KIAA1671: variants seen among roughly 807,000 people sequenced by gnomAD.
KIAA1671 encodes the protein uncharacterized protein KIAA1671.
Under a neutral mutation model 131.2 loss-of-function variants are expected in KIAA1671, and 52 were observed. That is an observed-to-expected ratio of 0.40 (90% CI 0.32 to 0.50). The LOEUF is 0.50. Ranked by LOEUF, KIAA1671 falls within the 20% of genes least tolerant of loss-of-function variation. The probability of loss-of-function intolerance (pLI) is 0.73; values close to 1 mark genes in which losing one functional copy is unlikely to be tolerated. For synonymous variants in KIAA1671, 1,003 were observed against 961.6 expected (o/e 1.04, Z -0.80); for missense variants, 2,360 against 2,364.2 (o/e 1.00, Z 0.04).
chr22:25,002,554 A>T (rs1924531492), intron 1 of KIAA1671, among the ~76,000 whole-genome samples: 1 of 152,112 alleles, frequency 6.6e-6, no homozygotes, highest in African/African-American at 2.4e-5. Context: ...ACAGCCAAAA[A>T]CCAAGCCTTT....
chr22:25,120,876 C>T (rs934136903), intron 6 of KIAA1671, among the ~76,000 whole-genome samples: 12 of 152,314 alleles, frequency 7.9e-5, no homozygotes, highest in Admixed American at 2.0e-4. Context: ...GGTAATTTCC[C>T]GTTCTGGGCT....
At chr22:25,099,660 G>T (rs1314513776) in intron 6 of KIAA1671, among the ~76,000 whole-genome samples, 1 of 147,904 alleles carries the variant, frequency 6.8e-6, no homozygotes, top group African/African-American at 2.5e-5. Flanking sequence ...GTTCACAGGT[G>T]TGCGCCACCA....
In KIAA1671 at chr22:25,189,126, CTT is replaced by C. The variant is rs200226589; in HGVS notation, c.5343-1558_5343-1557del. 2.8e-3 allele frequency among the ~76,000 whole-genome samples: 318 copies of C among 114,850 alleles called. 3 individuals are homozygous for C. In the South Asian group the frequency reaches 0.038, roughly 14 times the overall value. The allele number at this position is 114,850 out of a possible 152,430, so 75.3% of individuals were successfully genotyped here. ...TTCTTCCTGGGAGGCCAGTCTTTTT[CTT>C]TTTTTTTTTTTTTTTTTGTTTTGTT... On this transcript the variant is annotated intron_variant, in intron 11 of 12. Coordinates refer to ENST00000358431, the MANE Select transcript of KIAA1671 (RefSeq NM_001145206.2).
chr22:25,171,015 AT>A, intron 7 of KIAA1671, 77 bp downstream of exon 7: 1 of 1,117,856 alleles, frequency 8.9e-7, no homozygotes, highest in Non-Finnish European at 1.3e-6. Context: ...CCACCTCCTG[AT>A]TTCTATATTG....
At chr22:25,034,988 C>T (rs1407863920) in intron 4 of KIAA1671, among the ~76,000 whole-genome samples, 2 of 150,960 alleles carry the variant, frequency 1.3e-5, no homozygotes, top group East Asian at 3.9e-4. Context: ...CCACCTGCCT[C>T]GGCCTCCCAA....
At position 25,028,885 on chromosome 22, in the gene KIAA1671, G is replaced by A; in HGVS notation, c.886G>A (p.Ala296Thr). 6.4e-7 allele frequency: 1 copy of A among 1,551,500 alleles called. No homozygotes were observed. The highest frequency in any genetic ancestry group is 8.7e-7 in the Non-Finnish European group (1 of 1,146,984). ...CACGGCCCGGTTTGAGAACAAAGAG[G>A]CCTTGCTGAGGAAGGTGGCCGATGA... ...DLTARFENKE[A>T]LLRKVADEGS... is the part of the protein sequence containing the mutation. The change falls in exon 3 of 13, where the codon GCC becomes ACC. Residue 296 changes from alanine to threonine, a missense_variant. Around this residue, in one of 3 missense-constraint regions of KIAA1671, gnomAD observed 1,185 missense variants for 1,126.2 expected, o/e 1.05. Coordinates refer to ENST00000358431, the MANE Select transcript of KIAA1671 (RefSeq NM_001145206.2).
chr22:25,058,722 T>A (rs1345172424), intron 6 of KIAA1671: 1 of 152,214 alleles, frequency 6.6e-6, no homozygotes, highest in Non-Finnish European at 1.5e-5. Context: ...GGGTCATGGA[T>A]TCCGCAGGTC....
chr22:25,093,836 C>CTCTCTCTCTT lies in KIAA1671; in HGVS notation c.4530+44473_4530+44474insCTCTCTCTTT, dbSNP rs1568951598. Among the ~76,000 whole-genome samples, 84 of 64,642 alleles carry CTCTCTCTCTT rather than the reference C, an allele frequency of 1.3e-3. 22 individuals carry two copies. Among genetic ancestry groups the CTCTCTCTCTT allele is most frequent in the East Asian group, 3.2e-3 (7 of 2,188 alleles). 42.4% of individuals were successfully genotyped at this position (64,642 alleles called of 152,430 possible). On this transcript the variant is annotated intron_variant, in intron 6 of 12. Transcript: ENST00000358431. ...TGTCTCTCTCTCTTTCTCTCTCTGT[C>CTCTCTCTCTT]TGTCTCTCTCTCTCTCTCTCTCTCT...
In KIAA1671 at chr22:25,028,667, G is replaced by C; in HGVS notation, c.668G>C (p.Ser223Thr). ...GQDHPPSKAS[S>T]VEDTARPLVE... Reference sequence around the variant, plus strand: ...GACCATCCTCCCTCAAAGGCCAGCAGTGTGGAGGACACGGCACGCCCCCTT... The same window carrying C: ...GACCATCCTCCCTCAAAGGCCAGCACTGTGGAGGACACGGCACGCCCCCTT... The change falls in exon 3 of 13, where the codon AGT (serine) becomes ACT (threonine). Residue 223 changes from serine to threonine, a missense_variant. Around this residue, in one of 3 missense-constraint regions of KIAA1671, gnomAD observed 1,185 missense variants for 1,126.2 expected, o/e 1.05. Transcript: ENST00000358431. The C allele has an allele frequency of 1.3e-6, 2 of 1,551,224 alleles. No homozygotes were observed. Among genetic ancestry groups the C allele is most frequent in the South Asian group, 2.4e-5 (2 of 84,062 alleles).
intron 1 of KIAA1671, among the ~76,000 whole-genome samples, chr22:24,970,059 C>G (rs1922519330): frequency 6.6e-6 from 1 of 152,214 alleles, no homozygotes; most frequent in African/African-American, 2.4e-5. Context: ...TCAAACCAGT[C>G]CTGATCTTTA....
intron 6 of KIAA1671, among the ~76,000 whole-genome samples, chr22:25,161,058 C>G (rs1933426509): frequency 6.6e-6 from 1 of 152,054 alleles, no homozygotes. Context: ...CTTCCTTCCC[C>G]TTCCCTTCCC....
At chr22:25,047,461 CT>C (rs1927307500) in intron 5 of KIAA1671, among the ~76,000 whole-genome samples, 1 of 135,806 alleles carries the variant, frequency 7.4e-6, no homozygotes, top group Non-Finnish European at 1.6e-5. Flanking sequence ...TGCCTGGCCT[CT>C]TTTCCTTTTT....
rs757794117 is a variant in KIAA1671 at position 24,969,793 on chromosome 22, G to A, written c.-208+17021G>A. On this transcript the variant is annotated intron_variant, in intron 1 of 12. Transcript: ENST00000358431. ...TCTGTAACCGCTTGGCTTTGTGACCGTAGGGAGATCACTACCCAGTATGAA... is the reference window on the plus strand; with the variant it reads ...TCTGTAACCGCTTGGCTTTGTGACCATAGGGAGATCACTACCCAGTATGAA... Among the ~76,000 whole-genome samples the A allele has an allele frequency of 2.0e-5, 3 of 152,198 alleles. 1 individual carries two copies. The highest frequency in any genetic ancestry group is 2.9e-5 in the Non-Finnish European group (2 of 68,044).
chr22:25,004,975 G>T (rs935169778), intron 1 of KIAA1671, among the ~76,000 whole-genome samples: 2 of 151,304 alleles, frequency 1.3e-5, no homozygotes, highest in Non-Finnish European at 2.9e-5. Context: ...TAGAAGATTT[G>T]ATTGTACTCA....
intron 3 of KIAA1671, 97 bp downstream of exon 3, chr22:25,029,637 C>G (rs1440643443): frequency 2.3e-6 from 2 of 861,912 alleles, no homozygotes; most frequent in South Asian, 1.9e-5. Context: ...GTCACCCCCC[C>G]TCAGTTTACC....
intron 6 of KIAA1671, among the ~76,000 whole-genome samples, chr22:25,126,763 T>G (rs1344160754): frequency 6.6e-6 from 1 of 152,242 alleles, no homozygotes; most frequent in Non-Finnish European, 1.5e-5. Context: ...AATTCATTGT[T>G]GAGGCATTGG....
At chr22:25,107,401 A>G (rs1420690269) in intron 6 of KIAA1671, among the ~76,000 whole-genome samples, 7 of 141,868 alleles carry the variant, frequency 4.9e-5, no homozygotes, top group Admixed American at 7.3e-5. Context: ...TGGGCAACAG[A>G]GTGAGACTTC....
intron 1 of KIAA1671, among the ~76,000 whole-genome samples, chr22:25,015,350 T>C (rs1241000216): frequency 6.6e-6 from 1 of 152,074 alleles, no homozygotes; most frequent in African/African-American, 2.4e-5. Flanking sequence ...TAGTTTGGCC[T>C]GTGGACTCTA....
chr22:25,075,941 A>G (rs1424943921), intron 6 of KIAA1671, among the ~76,000 whole-genome samples: 1 of 150,884 alleles, frequency 6.6e-6, no homozygotes, highest in Admixed American at 6.6e-5. Context: ...ATGCCCGGCT[A>G]ATTTTTGTAT....
Sources: gnomAD v4.1 joint callset for allele counts (sites outside exome capture counted in the v4.1 genomes callset) on GRCh38, gnomAD v4.1.1 for gene constraint, gnomAD v4.1.1 regional missense constraint, MANE v1.5 for transcripts, NCBI Gene and HGNC (gene_info 2026-07-23, HGNC 2026-07-21) for gene names.